NOVA1: variants seen among roughly 807,000 people sequenced by gnomAD.
NOVA1 encodes the protein RNA-binding protein Nova-1.
Under a neutral mutation model 38.0 loss-of-function variants are expected in NOVA1, and 7 were observed. That is an observed-to-expected ratio of 0.18 (90% confidence interval 0.10 to 0.35). The LOEUF (loss-of-function observed/expected upper bound fraction) is 0.35. NOVA1 is among the 10% of genes least tolerant of loss of function. The pLI is 1.00. For missense variants in NOVA1, 460 were observed against 616.0 expected, an observed-to-expected ratio of 0.75 and a Z score of 2.68; for synonymous variants, 270 against 232.5, an observed-to-expected ratio of 1.16 and a Z score of -1.47.
chr14:26,479,983 G>C lies in NOVA1; in HGVS notation c.441C>G (p.Ile147Met). 6.2e-7 allele frequency: 1 copy of C among 1,613,670 alleles called. No homozygotes were observed. Among genetic ancestry groups the C allele is most frequent in the Non-Finnish European group, 8.5e-7 (1 of 1,179,792 alleles). Residue 147 changes from isoleucine to methionine, a missense_variant, in exon 3 of 5, where the codon ATC becomes ATG. Coordinates refer to ENST00000539517, the MANE Select transcript of NOVA1 (RefSeq NM_002515.3). ...TTCTCAACTAAACACTCACTTGTTTGATGCGATCTGGATTAACGGTGGTCT... is the reference window on the plus strand; with the variant it reads ...TTCTCAACTAAACACTCACTTGTTTCATGCGATCTGGATTAACGGTGGTCT... ...QPQTTVNPDR[I>M]KQTLPSSPTT...
chr14:26,532,621 T>C (rs1028550319), intron 2 of NOVA1, among the ~76,000 whole-genome samples: 6 of 152,142 alleles, frequency 3.9e-5, no homozygotes, highest in South Asian at 2.1e-4. Context: ...TACCATAGCT[T>C]GACTATGGTG....
chr14:26,540,929 A>G (rs903959009), intron 2 of NOVA1, among the ~76,000 whole-genome samples: 1 of 152,182 alleles, frequency 6.6e-6, no homozygotes, highest in Non-Finnish European at 1.5e-5. Flanking sequence ...TTAAAAACTT[A>G]TCACTTCTTG....
chr14:26,471,432 C>T (rs985068498), intron 4 of NOVA1, among the ~76,000 whole-genome samples: 1 of 150,370 alleles, frequency 6.7e-6, no homozygotes, highest in African/African-American at 2.4e-5. Context: ...TTTAAATAAC[C>T]CCATAAAGCC....
chr14:26,524,766 A>G (rs1203635835), intron 2 of NOVA1, among the ~76,000 whole-genome samples: 1 of 152,210 alleles, frequency 6.6e-6, no homozygotes, highest in African/African-American at 2.4e-5. Flanking sequence ...AGAGTCAAGA[A>G]GAGCCCCCAA....
chr14:26,520,827 G>C (rs1368386974), intron 2 of NOVA1, among the ~76,000 whole-genome samples: 3 of 152,050 alleles, frequency 2.0e-5, no homozygotes, highest in South Asian at 4.1e-4. Flanking sequence ...TAATTAGCTA[G>C]ATAATCAGGA....
chr14:26,493,537 G>A (rs1233731652), intron 2 of NOVA1, among the ~76,000 whole-genome samples: 1 of 152,124 alleles, frequency 6.6e-6, no homozygotes, highest in Admixed American at 6.6e-5. Context: ...TCCCTGTCAG[G>A]TATATTCATG....
At chr14:26,465,131 A>G (rs1261226683) in intron 4 of NOVA1, among the ~76,000 whole-genome samples, 1 of 152,210 alleles carries the variant, frequency 6.6e-6, no homozygotes, top group African/African-American at 2.4e-5. Context: ...TTGATATCAC[A>G]CAAACACAAT....
chr14:26,477,928 CTT>C (rs1243351454), intron 3 of NOVA1, among the ~76,000 whole-genome samples: 1 of 151,900 alleles, frequency 6.6e-6, no homozygotes, highest in Non-Finnish European at 1.5e-5. Flanking sequence ...AATACAATGT[CTT>C]ATTAGATTTA....
At chr14:26,567,675 A>G (rs1194827438) in intron 2 of NOVA1, among the ~76,000 whole-genome samples, 1 of 152,042 alleles carries the variant, frequency 6.6e-6, no homozygotes, top group Non-Finnish European at 1.5e-5. Context: ...CATTTTTCAT[A>G]TAGTTATTCT....
intron 2 of NOVA1, among the ~76,000 whole-genome samples, chr14:26,511,693 A>C (rs541454081): frequency 6.6e-6 from 1 of 152,054 alleles, no homozygotes; most frequent in Non-Finnish European, 1.5e-5. Flanking sequence ...CAGAGGTTGC[A>C]CTAAGCCGAG....
chr14:26,477,224 C>T (rs1370842502), intron 3 of NOVA1, among the ~76,000 whole-genome samples: 1 of 151,984 alleles, frequency 6.6e-6, no homozygotes, highest in Non-Finnish European at 1.5e-5. Flanking sequence ...TTAACAAGTG[C>T]TATTTTTGTC....
intron 2 of NOVA1, among the ~76,000 whole-genome samples, chr14:26,568,702 A>G (rs1892285764): frequency 6.6e-6 from 1 of 152,148 alleles, no homozygotes; most frequent in Non-Finnish European, 1.5e-5. Context: ...ATTTACCTTG[A>G]AGTCTTTTGA....
At chr14:26,504,797 A>C (rs1053981553) in intron 2 of NOVA1, among the ~76,000 whole-genome samples, 1 of 151,934 alleles carries the variant, frequency 6.6e-6, no homozygotes, top group Admixed American at 6.6e-5. Flanking sequence ...AAATGGCACC[A>C]AACTCACAGA....
chr14:26,498,879 C>T (rs2138395378), intron 2 of NOVA1, among the ~76,000 whole-genome samples: 1 of 152,248 alleles, frequency 6.6e-6, no homozygotes, highest in Non-Finnish European at 1.5e-5. Context: ...GGCATCCTGC[C>T]ATTTGCCACA....
At chr14:26,554,161 G>A (rs1189164562) in intron 2 of NOVA1, among the ~76,000 whole-genome samples, 2 of 99,612 alleles carry the variant, frequency 2.0e-5, no homozygotes, top group South Asian at 3.6e-4. Flanking sequence ...GGAAGAAAAA[G>A]AAAGAAAAGG....
At chr14:26,565,835 G>A (rs1892101313) in intron 2 of NOVA1, among the ~76,000 whole-genome samples, 1 of 152,084 alleles carries the variant, frequency 6.6e-6, no homozygotes, top group Non-Finnish European at 1.5e-5. Flanking sequence ...AAAAAAGCAA[G>A]AGAATGCAAA....
intron 4 of NOVA1, among the ~76,000 whole-genome samples, chr14:26,453,375 A>ATAC (rs952393896): frequency 1.5e-4 from 23 of 152,126 alleles, no homozygotes; most frequent in Non-Finnish European, 3.2e-4. Context: ...ACCCAGCTTA[A>ATAC]TACTACTACT....
At chr14:26,494,138 TG>T in intron 2 of NOVA1, among the ~76,000 whole-genome samples, 1 of 152,346 alleles carries the variant, frequency 6.6e-6, no homozygotes, top group Middle Eastern at 3.4e-3. Flanking sequence ...TATCCTTCCC[TG>T]TCCCTCTAAA....
chr14:26,461,167 C>G (rs1204730341), intron 4 of NOVA1, among the ~76,000 whole-genome samples: 1 of 152,130 alleles, frequency 6.6e-6, no homozygotes, highest in Non-Finnish European at 1.5e-5. Flanking sequence ...ATACTAGACA[C>G]AGGATTCTAT....
Sources: gnomAD v4.1 joint callset for allele counts (sites outside exome capture counted in the v4.1 genomes callset) on GRCh38, gnomAD v4.1.1 for gene constraint, MANE v1.5 for transcripts, NCBI Gene and HGNC (gene_info 2026-07-23, HGNC 2026-07-21) for gene names.